The following UBAC1 variants were observed in gnomAD, a reference collection of about 807,000 sequenced individuals.
The protein encoded by UBAC1 is ubiquitin-associated domain-containing protein 1.
Under a neutral mutation model 45.9 loss-of-function variants are expected in UBAC1, and 27 were observed. The observed-to-expected ratio is 0.59, with a 90% confidence interval of 0.43 to 0.81. The LOEUF is 0.81. UBAC1 is among the 30% of genes least tolerant of loss of function. The pLI is 0.00. For synonymous variants in UBAC1, 227 were observed against 215.5 expected (o/e 1.05, Z -0.47); for missense variants, 529 against 539.2 (o/e 0.98, Z 0.19).
chr9:135,938,271 C>T lies in UBAC1; in HGVS notation c.1053G>A (p.Leu351=). The change falls in exon 9 of 10, where the codon CTG becomes CTA. Residue 351 remains leucine, a synonymous_variant. Transcript: ENST00000371756. ...GGCCCAGCTGCACCACCGGGTTATC[C>T]AGGATGGCCTGAAAGAGAGGACTGT... ...DPDSPLFQAI[L]DNPVVQLGLT... 1 of 1,614,196 alleles carries T rather than the reference C, an allele frequency of 6.2e-7. No individual in the cohort carries two copies. Among genetic ancestry groups the T allele is most frequent in the African/African-American group, 1.3e-5 (1 of 75,058 alleles).
At chr9:135,953,817 A>C in intron 2 of UBAC1, 64 bp from the exon 3 acceptor site, 1 of 1,460,426 alleles carries the variant, frequency 6.8e-7, no homozygotes, top group Non-Finnish European at 9.5e-7. Flanking sequence ...AAATGGCATA[A>C]AGGGTGCTGG....
At chr9:135,935,389 C>T (rs976422407) in intron 9 of UBAC1, among the ~76,000 whole-genome samples, 1 of 152,208 alleles carries the variant, frequency 6.6e-6, no homozygotes, top group Non-Finnish European at 1.5e-5. Context: ...CTCTCGCCTA[C>T]AATCCCAGCA....
At chr9:135,945,783 A>T in intron 6 of UBAC1, 106 bp downstream of exon 6, 1 of 829,278 alleles carries the variant, frequency 1.2e-6, no homozygotes. Context: ...GTTAGAAATG[A>T]TTCAGTCAAA....
At chr9:135,935,362 T>C (rs1293058264) in intron 9 of UBAC1, among the ~76,000 whole-genome samples, 1 of 152,212 alleles carries the variant, frequency 6.6e-6, no homozygotes, top group Non-Finnish European at 1.5e-5. Context: ...GAAAAACACA[T>C]GTGCCAGGCA....
intron 2 of UBAC1, among the ~76,000 whole-genome samples, chr9:135,954,230 G>C (rs1839440399): frequency 6.6e-6 from 1 of 151,698 alleles, no homozygotes; most frequent in Non-Finnish European, 1.5e-5. Context: ...CGGATCACTT[G>C]AGCCCAGGAG....
intron 2 of UBAC1, 54 bp downstream of exon 2, chr9:135,955,240 GC>G: frequency 2.8e-6 from 4 of 1,448,872 alleles, no homozygotes; most frequent in East Asian, 5.0e-5. Flanking sequence ...TGGCTCCAGC[GC>G]CCCCAGCAGT....
chr9:135,959,143 C>G (rs1244347139), intron 1 of UBAC1, among the ~76,000 whole-genome samples: 1 of 152,168 alleles, frequency 6.6e-6, no homozygotes, highest in African/African-American at 2.4e-5. Flanking sequence ...CACATCGCAC[C>G]GAGTGAGTTA....
chr9:135,958,055 T>TC (rs1459121900), intron 1 of UBAC1, among the ~76,000 whole-genome samples: 1 of 150,072 alleles, frequency 6.7e-6, no homozygotes, highest in East Asian at 1.9e-4. Flanking sequence ...TTTTCTTTTT[T>TC]TTTTTTTTTG....
intron 3 of UBAC1, among the ~76,000 whole-genome samples, chr9:135,948,260 C>T (rs529426913): frequency 1.8e-4 from 28 of 152,342 alleles, no homozygotes; most frequent in Admixed American, 3.3e-4. Context: ...GCCAAAACCA[C>T]GAACTCATCT....
intron 3 of UBAC1, among the ~76,000 whole-genome samples, chr9:135,949,106 T>G (rs1263758977): frequency 7.0e-6 from 1 of 142,118 alleles, no homozygotes; most frequent in Admixed American, 7.0e-5. Context: ...AAGTGAGGAG[T>G]CAGCAGGGAA....
chr9:135,935,282 A>G (rs1396789271), intron 9 of UBAC1, among the ~76,000 whole-genome samples: 1 of 152,240 alleles, frequency 6.6e-6, no homozygotes, highest in Non-Finnish European at 1.5e-5. Context: ...AGTTTACAAC[A>G]TTCAACAAAG....
At chr9:135,936,094 C>A (rs1839200935) in intron 9 of UBAC1, among the ~76,000 whole-genome samples, 1 of 150,434 alleles carries the variant, frequency 6.6e-6, no homozygotes. Context: ...TGGAGGTGGG[C>A]AAGTGTGTGT....
intron 3 of UBAC1, among the ~76,000 whole-genome samples, chr9:135,948,364 A>G (rs1360828145): frequency 6.6e-6 from 1 of 152,272 alleles, no homozygotes; most frequent in East Asian, 1.9e-4. Context: ...GAAGAGTGAC[A>G]GCACATTCTC....
chr9:135,943,792 A>AT (rs1839295747), intron 7 of UBAC1, among the ~76,000 whole-genome samples: 1 of 152,238 alleles, frequency 6.6e-6, no homozygotes, highest in Non-Finnish European at 1.5e-5. Flanking sequence ...ATGCAGCCAT[A>AT]AAAAGGAACG....
At chr9:135,947,487 A>C (rs1005033566) in intron 4 of UBAC1, 2 of 275,610 alleles carry the variant, frequency 7.3e-6, no homozygotes, top group Non-Finnish European at 1.4e-5. Flanking sequence ...TTCTGACCTC[A>C]GGTGATCCAC....
rs140620854 is a variant in UBAC1, at chr9:135,938,325, C to T, written c.999G>A (p.Pro333=). ...GGTCGATGCCCTTGTCCAGCTCCTC[C>T]GGAGAGGGCTTCCGGTCCCCCAGCA... ...EWLLGDRKPS[P]EELDKGIDPD... The change falls in exon 9 of 10, where the codon CCG becomes CCA. Residue 333 remains proline (P), a synonymous_variant. Transcript: ENST00000371756. The T allele has an allele frequency of 2.0e-5, 33 of 1,614,020 alleles. No homozygotes were observed. The highest frequency in any genetic ancestry group is 1.3e-4 in the African/African-American group (10 of 75,062).
At chr9:135,958,677 T>C (rs1265400870) in intron 1 of UBAC1, among the ~76,000 whole-genome samples, 1 of 152,174 alleles carries the variant, frequency 6.6e-6, no homozygotes, top group Non-Finnish European at 1.5e-5. Flanking sequence ...CCTCACTGCC[T>C]ACAGCAGGAT....
At chr9:135,937,514 C>G (rs1416071675) in intron 9 of UBAC1, among the ~76,000 whole-genome samples, 1 of 151,880 alleles carries the variant, frequency 6.6e-6, no homozygotes. Context: ...TTCCCAGTGC[C>G]TTCCATCAAG....
At chr9:135,950,123 C>G (rs1006470993) in intron 3 of UBAC1, among the ~76,000 whole-genome samples, 1 of 152,226 alleles carries the variant, frequency 6.6e-6, no homozygotes, top group Non-Finnish European at 1.5e-5. Flanking sequence ...CTTCAGCACC[C>G]TGAACACAGC....
Sources: gnomAD v4.1 joint callset for allele counts (sites outside exome capture counted in the v4.1 genomes callset) on GRCh38, gnomAD v4.1.1 for gene constraint, MANE v1.5 for transcripts, NCBI Gene and HGNC (gene_info 2026-07-23, HGNC 2026-07-21) for gene names.